Variants in MAGI2 observed in about 807,000 individuals in gnomAD.
The protein encoded by MAGI2 is membrane associated guanylate kinase, WW and PDZ domain containing 2.
MAGI2 carries 35 observed loss-of-function variants against 133.3 expected under a neutral mutation model. That is an observed-to-expected ratio of 0.26 (90% CI 0.20 to 0.35). MAGI2 has a LOEUF of 0.35. Ranked by LOEUF, MAGI2 falls within the 10% of genes least tolerant of loss-of-function variation. The probability of loss-of-function intolerance (pLI) is 1.00; values close to 1 mark genes in which losing one functional copy is unlikely to be tolerated. For synonymous variants in MAGI2, 729 were observed against 710.6 expected (o/e 1.03, Z -0.41); for missense variants, 1,636 against 1,863.4 (o/e 0.88, Z 2.25).
At chr7:79,280,234 C>T (rs564151012) in intron 1 of MAGI2, among the ~76,000 whole-genome samples, 1 of 152,184 alleles carries the variant, frequency 6.6e-6, no homozygotes, top group East Asian at 1.9e-4. Context: ...TCTGGGAGCA[C>T]TGGGGATTTA....
chr7:79,214,678 A>C (rs1361401441), intron 1 of MAGI2, among the ~76,000 whole-genome samples: 1 of 140,056 alleles, frequency 7.1e-6, no homozygotes, highest in African/African-American at 2.6e-5. Flanking sequence ...TGAAATATAA[A>C]TATATAATAT....
chr7:79,100,722 T>C (rs1205022977), intron 1 of MAGI2, among the ~76,000 whole-genome samples: 1 of 151,868 alleles, frequency 6.6e-6, no homozygotes, highest in South Asian at 2.1e-4. Context: ...TATTTTTCTT[T>C]TGAGCTGTTC....
intron 1 of MAGI2, among the ~76,000 whole-genome samples, chr7:79,026,699 C>G (rs113979150): frequency 0.069 from 10,466 of 151,782 alleles, 386 homozygotes; most frequent in Non-Finnish European, 0.082. Flanking sequence ...ATGATGAAAC[C>G]CCGTTTCCAC....
At chr7:78,918,648 T>A (rs1798982120) in intron 2 of MAGI2, among the ~76,000 whole-genome samples, 1 of 152,186 alleles carries the variant, frequency 6.6e-6, no homozygotes, top group Admixed American at 6.6e-5. Flanking sequence ...GATATCAACT[T>A]TGTATTACAT....
chr7:78,085,366 C>T (rs893792851), intron 20 of MAGI2, among the ~76,000 whole-genome samples: 1 of 151,698 alleles, frequency 6.6e-6, no homozygotes, highest in African/African-American at 2.4e-5. Context: ...CGCATCTCTA[C>T]AAAAAATAAA....
chr7:79,021,263 C>T (rs1464739884), intron 1 of MAGI2, among the ~76,000 whole-genome samples: 1 of 152,222 alleles, frequency 6.6e-6, no homozygotes, highest in Non-Finnish European at 1.5e-5. Context: ...ACAGAGTCTC[C>T]ACTGGGGCAC....
intron 2 of MAGI2, among the ~76,000 whole-genome samples, chr7:78,707,567 A>G (rs1163298602): frequency 6.6e-6 from 1 of 152,128 alleles, no homozygotes; most frequent in East Asian, 1.9e-4. Flanking sequence ...AGAAATTCTT[A>G]TGATTCAAAT....
intron 2 of MAGI2, among the ~76,000 whole-genome samples, chr7:78,833,340 T>C (rs480109): frequency 0.86 from 131,384 of 152,074 alleles, 58,145 homozygotes; most frequent in East Asian, 0.96. Context: ...CACTAAACTA[T>C]CCCTGCCCTC....
intron 6 of MAGI2, among the ~76,000 whole-genome samples, chr7:78,375,942 T>C (rs906050663): frequency 6.6e-6 from 1 of 152,170 alleles, no homozygotes; most frequent in Non-Finnish European, 1.5e-5. Context: ...GGATAAAATA[T>C]AGAATAGATG....
intron 3 of MAGI2, among the ~76,000 whole-genome samples, chr7:78,578,493 AG>A (rs1372864156): frequency 6.6e-6 from 1 of 152,162 alleles, no homozygotes; most frequent in Admixed American, 6.6e-5. Flanking sequence ...AAAATAAGAA[AG>A]GGTAAATGAA....
intron 1 of MAGI2, among the ~76,000 whole-genome samples, chr7:79,347,913 A>G (rs1339008611): frequency 6.6e-5 from 10 of 151,976 alleles, no homozygotes; most frequent in African/African-American, 1.2e-4. Context: ...TAGAGATTCA[A>G]TACCAGTTAG....
chr7:78,122,864 A>G (rs1820598896), intron 20 of MAGI2, among the ~76,000 whole-genome samples: 1 of 151,864 alleles, frequency 6.6e-6, no homozygotes, highest in Non-Finnish European at 1.5e-5. Context: ...TGTGTTTTCT[A>G]TTTAGTTTTG....
chr7:78,332,801 C>T (rs980081093), intron 9 of MAGI2, among the ~76,000 whole-genome samples: 22 of 151,618 alleles, frequency 1.5e-4, no homozygotes, highest in African/African-American at 5.1e-4. Context: ...AGATACATTA[C>T]TAGCAGTGGA....
chr7:78,055,690 A>G (rs1812496620), intron 21 of MAGI2, among the ~76,000 whole-genome samples: 1 of 152,200 alleles, frequency 6.6e-6, no homozygotes, highest in African/African-American at 2.4e-5. Context: ...ACCCAAAACA[A>G]TAGCAGCAAA....
rs1554836 is a variant in MAGI2, at chr7:79,316,084, C to G, written c.301+136936G>C. 5.9e-5 allele frequency among the ~76,000 whole-genome samples: 9 copies of G among 151,658 alleles called. No homozygotes were observed. The South Asian group carries it at 6.2e-4, about 10-fold the overall frequency. ...TTGTGAGGATTAAATGTAAATATAACGTAAGCCTCAAAATTCAAAAAGGAT... is the reference window on the plus strand; with the variant it reads ...TTGTGAGGATTAAATGTAAATATAAGGTAAGCCTCAAAATTCAAAAAGGAT... On this transcript the variant is annotated intron_variant, in intron 1 of 21. Transcript: ENST00000354212.
chr7:78,367,139 C>G (rs1339418259), intron 7 of MAGI2, among the ~76,000 whole-genome samples: 6 of 66,940 alleles, frequency 9.0e-5, no homozygotes, highest in Admixed American at 8.5e-4. Context: ...ATTTGAAGTA[C>G]AAAGATAAGA....
intron 1 of MAGI2, among the ~76,000 whole-genome samples, chr7:79,300,267 G>A (rs1306197954): frequency 6.6e-6 from 1 of 152,152 alleles, no homozygotes; most frequent in East Asian, 1.9e-4. Context: ...TGGTAAAATG[G>A]TTGTGACCAA....
In MAGI2 at chr7:78,598,842, G is replaced by T. The variant is rs151011457; in HGVS notation, c.538+28278C>A. ...AACATGTTTCTGGCTTGAGAAAGTA[G>T]GTACCGTTCATGGAGACAGGTAAGT... On this transcript the variant is annotated intron_variant, in intron 3 of 21. Transcript: ENST00000354212. Among the ~76,000 whole-genome samples, 195 of 152,238 alleles carry T rather than the reference G, an allele frequency of 1.3e-3. 1 individual carries two copies. The South Asian group carries it at 0.017, about 13-fold the overall frequency.
At chr7:78,923,802 G>A (rs12234316) in intron 2 of MAGI2, among the ~76,000 whole-genome samples, 1 of 151,870 alleles carries the variant, frequency 6.6e-6, no homozygotes, top group Admixed American at 6.6e-5. Context: ...CCATTTTCAC[G>A]ATATTGATTC....
Sources: gnomAD v4.1 joint callset for allele counts (sites outside exome capture counted in the v4.1 genomes callset) on GRCh38, gnomAD v4.1.1 for gene constraint, MANE v1.5 for transcripts, NCBI Gene and HGNC (gene_info 2026-07-23, HGNC 2026-07-21) for gene names.